Variants in ACOT11 observed in about 807,000 individuals in gnomAD.
ACOT11 encodes acyl-CoA thioesterase 11.
In ACOT11, 69 loss-of-function variants were observed where a neutral mutation model predicts 77.5. The ratio of observed to expected loss-of-function variants is 0.89; its 90% CI spans 0.73 to 1.09. The LOEUF (loss-of-function observed/expected upper bound fraction) is 1.09. Among genes scored for constraint, ACOT11 ranks in the 50% least tolerant of loss-of-function variants. ACOT11 has a pLI of 0.00. For synonymous variants in ACOT11, 279 were observed against 313.0 expected (o/e 0.89, Z 1.15); for missense variants, 766 against 813.7 (o/e 0.94, Z 0.71).
intron 15 of ACOT11, among the ~76,000 whole-genome samples, chr1:54,625,919 A>G (rs1327284281): frequency 6.6e-6 from 1 of 150,414 alleles, no homozygotes; most frequent in Non-Finnish European, 1.5e-5. Context: ...AGCCTGGGCA[A>G]CAAGAGTGAA....
downstream of ACOT11, chr1:54,610,416 G>A (rs139191993): frequency 3.2e-5 from 52 of 1,613,228 alleles, 1 homozygote; most frequent in African/African-American, 4.5e-4. Context: ...CCTTACCTGG[G>A]AGGGTCATTG....
chr1:54,607,232 T>C lies in ACOT11; in HGVS notation c.1469T>C (p.Ile490Thr). 1.2e-6 allele frequency: 2 copies of C among 1,614,158 alleles called. No individual in the cohort carries two copies. The highest frequency in any genetic ancestry group is 1.3e-5 in the African/African-American group (1 of 75,054). ...GGHTKPQDFV[I>T]LASRRKPCDN... is the part of the protein sequence containing the mutation. Reference sequence around the variant, plus strand: ...CACACAAAGCCCCAGGACTTCGTGATCCTGGCCTCGAGGCGGAAGCCTTGT... The same window carrying C: ...CACACAAAGCCCCAGGACTTCGTGACCCTGGCCTCGAGGCGGAAGCCTTGT... Residue 490 changes from isoleucine (I) to threonine (T), a missense_variant, in exon 14 of 16, where the codon ATC (isoleucine) becomes ACC (threonine). Transcript: ENST00000343744. This position sits in a 1 kb window ranked among gnomAD's most constrained non-coding sequence, Gnocchi z 4.5.
At chr1:54,592,454 C>T in intron 3 of ACOT11, 92 bp from the exon 4 acceptor site, 1 of 1,241,316 alleles carries the variant, frequency 8.1e-7, no homozygotes, top group East Asian at 2.5e-5. Flanking sequence ...ATCCTGCCAG[C>T]TCCCCGCAAG....
chr1:54,608,144 C>T, intron 15 of ACOT11, 76 bp downstream of exon 15: 1 of 1,497,974 alleles, frequency 6.7e-7, no homozygotes, highest in Non-Finnish European at 8.9e-7. Flanking sequence ...CTCAGCACTG[C>T]TGGGCTAGGA....
In ACOT11 at chr1:54,610,187, G is replaced by T. The variant is rs964101784; in HGVS notation, c.*1075G>T. 1 of 1,433,182 alleles carries T rather than the reference G, an allele frequency of 7.0e-7. No individual in the cohort carries two copies. Among genetic ancestry groups the T allele is most frequent in the Non-Finnish European group, 9.1e-7 (1 of 1,099,286 alleles). 88.8% of individuals were successfully genotyped at this position (1,433,182 alleles called of 1,614,324 possible). On this transcript the variant is annotated 3_prime_UTR_variant, in exon 16 of 16. Coordinates refer to ENST00000343744, the MANE Select transcript of ACOT11 (RefSeq NM_147161.4). ...CAGCCTGGGGGCTGGTGCCGGCCTT[G>T]CCTGCAGCAATGTAGCTGAGGACTG...
rs1411570187 is a variant in ACOT11 at position 54,609,314 on chromosome 1, GGTAGCCTGTA to G, written c.*207_*216del. 13 of 1,612,550 alleles carry G rather than the reference GGTAGCCTGTA, an allele frequency of 8.1e-6. No homozygotes were observed. The highest frequency in any genetic ancestry group is 1.3e-5 in the African/African-American group (1 of 74,850). ...CAGCAAGTCCTTGTGGTAGCCCTGG[GGTAGCCTGTA>G]GTAGACTCGGGTCCTGTCCACAGCC... On this transcript the variant is annotated 3_prime_UTR_variant, in exon 16 of 16. Transcript: ENST00000343744.
At chr1:54,604,549 T>G in intron 12 of ACOT11, 120 bp downstream of exon 12, 1 of 968,604 alleles carries the variant, frequency 1.0e-6, no homozygotes, top group Non-Finnish European at 1.6e-6. Flanking sequence ...AAGAATTGGG[T>G]GAGATCAAGA....
At chr1:54,615,010 G>T, downstream of ACOT11, 1 of 752,616 alleles carries the variant, frequency 1.3e-6, no homozygotes. Context: ...CCACATCCCT[G>T]CAGGGTGTGA....
At chr1:54,615,754 G>A (rs1444295910) in intron 15 of ACOT11, among the ~76,000 whole-genome samples, 2 of 152,240 alleles carry the variant, frequency 1.3e-5, no homozygotes, top group Non-Finnish European at 1.5e-5. Flanking sequence ...AGCACTCTGA[G>A]CATGCGCGGC....
intron 15 of ACOT11, chr1:54,620,091 G>A (rs1644215247): frequency 6.9e-7 from 1 of 1,447,622 alleles, no homozygotes; most frequent in Admixed American, 1.9e-5. Context: ...ACCCTCCCTG[G>A]GCTCCCACTG....
At chr1:54,580,569 T>C (rs1327156183) in intron 1 of ACOT11, among the ~76,000 whole-genome samples, 1 of 152,242 alleles carries the variant, frequency 6.6e-6, no homozygotes, top group Non-Finnish European at 1.5e-5. Flanking sequence ...TCCTTTTTGC[T>C]GTTCCTTATG....
Position 54,609,155 on chromosome 1 carries a change from G to T in ACOT11, c.*43G>T. The T allele has an allele frequency of 6.2e-7, 1 of 1,612,798 alleles. No homozygotes were observed. The highest frequency in any genetic ancestry group is 1.1e-5 in the South Asian group (1 of 90,838). ...ATCATGCCCACTCCCACTCCATCCT[G>T]TCCCCAAGGACTCACATACAGTGCC... On this transcript the variant is annotated 3_prime_UTR_variant, in exon 16 of 16. Coordinates refer to ENST00000343744, the MANE Select transcript of ACOT11 (RefSeq NM_147161.4).
intron 16 of ACOT11, among the ~76,000 whole-genome samples, chr1:54,634,147 A>G (rs951884147): frequency 2.0e-5 from 3 of 152,248 alleles, no homozygotes; most frequent in Non-Finnish European, 4.4e-5. Context: ...AAATACAGCA[A>G]GCTTTTATAA....
Position 54,610,309 on chromosome 1 carries a change from A to T in ACOT11, c.*1197A>T. 1 of 1,541,446 alleles carries T rather than the reference A, an allele frequency of 6.5e-7. No homozygotes were observed. Among genetic ancestry groups the T allele is most frequent in the South Asian group, 1.3e-5 (1 of 79,240 alleles). ...CTTGCATCCAGGGTATGGTGTAAAT[A>T]AACCTGTGTTGCCATGGCAACAGAG... On this transcript the variant is annotated 3_prime_UTR_variant, in exon 16 of 16. Coordinates refer to ENST00000343744, the MANE Select transcript of ACOT11 (RefSeq NM_147161.4).
In ACOT11 at chr1:54,599,320, G is replaced by C; in HGVS notation, c.789G>C (p.Thr263=). The change falls in exon 8 of 16, where the codon ACG becomes ACC. Residue 263 remains threonine, a synonymous_variant. Coordinates refer to ENST00000343744, the MANE Select transcript of ACOT11 (RefSeq NM_147161.4). ...AASRLCRAHP[T]LKAIEMFHFR... ...GCCGGCTCTGCCGTGCCCACCCTAC[G>C]CTGAAGGCCATTGAAATGTTCCACT... is the stretch of plus-strand genomic sequence containing the variant. 1.2e-6 allele frequency: 2 copies of C among 1,602,740 alleles called. No homozygotes were observed. The highest frequency in any genetic ancestry group is 1.1e-5 in the South Asian group (1 of 90,120).
At chr1:54,636,029 T>TA (rs1644328836) in exon 17 of ACOT11, 1 of 152,266 alleles carries the variant, frequency 6.6e-6, no homozygotes, top group African/African-American at 2.4e-5. Context: ...CTGCTGCAAT[T>TA]AATTCAGCCC....
At chr1:54,594,500 G>C in intron 5 of ACOT11, 56 bp from the exon 6 acceptor site, 15 of 1,570,866 alleles carry the variant, frequency 9.5e-6, no homozygotes, top group Non-Finnish European at 1.3e-5. Context: ...ACAGGCCCTT[G>C]TGCTATTTCA....
Position 54,584,945 on chromosome 1 carries a change from C to A in ACOT11, c.241+83C>A. On this transcript the variant is annotated intron_variant, in intron 2 of 15. Transcript: ENST00000343744. This position sits in a 1 kb window ranked among gnomAD's most constrained non-coding sequence, Gnocchi z 6.3. ...TGCTTTCAGAGATGGTCACCGTCCACCCTAAGTGCCACACTTGTTTCTCAT... is the reference window on the plus strand; with the variant it reads ...TGCTTTCAGAGATGGTCACCGTCCAACCTAAGTGCCACACTTGTTTCTCAT... 7.2e-7 allele frequency: 1 copy of A among 1,385,220 alleles called. No individual in the cohort carries two copies. Among genetic ancestry groups the A allele is most frequent in the Non-Finnish European group, 9.8e-7 (1 of 1,019,796 alleles). The allele number at this position is 1,385,220 out of a possible 1,614,324, so 85.8% of individuals were successfully genotyped here.
chr1:54,623,209 G>T, intron 15 of ACOT11: 2 of 1,021,492 alleles, frequency 2.0e-6, no homozygotes, highest in Non-Finnish European at 3.0e-6. Context: ...AGAGCTGTAA[G>T]TGAGAAGTGG....
Sources: allele counts gnomAD v4.1 joint callset (sites outside exome capture counted in the v4.1 genomes callset), GRCh38; gene constraint gnomAD v4.1.1; non-coding constraint Gnocchi (gnomAD v3.1); transcripts MANE v1.5; gene names NCBI Gene and HGNC (gene_info 2026-07-23, HGNC 2026-07-21).